MYO18A: variants seen among roughly 807,000 people sequenced by gnomAD.
The protein encoded by MYO18A is myosin XVIIIA.
A neutral mutation model predicts 235.8 loss-of-function variants in MYO18A; 78 were observed. The ratio of observed to expected loss-of-function variants is 0.33; its 90% CI spans 0.28 to 0.40. The LOEUF is 0.40. Ranked by LOEUF, MYO18A falls within the 10% of genes least tolerant of loss-of-function variation. The pLI is 1.00. For missense variants in MYO18A, 2,215 were observed against 2,699.3 expected (o/e 0.82, Z 3.98); for synonymous variants, 977 against 1,077.8 (o/e 0.91, Z 1.83).
chr17:29,128,424 C>T (rs1245916673), intron 2 of MYO18A: 20 of 1,289,268 alleles, frequency 1.6e-5, no homozygotes, highest in Non-Finnish European at 1.9e-5. Flanking sequence ...GCTCCCGGGC[C>T]GTTCATGGCG....
intron 15 of MYO18A, among the ~76,000 whole-genome samples, chr17:29,112,071 G>A (rs1023936593): frequency 3.9e-5 from 6 of 152,198 alleles, no homozygotes; most frequent in African/African-American, 1.2e-4. Context: ...GTGAGCAGAG[G>A]GAAGCCCACA....
Position 29,098,817 on chromosome 17 carries a change from G to A in MYO18A, c.3780+9C>T. On this transcript the variant is annotated intron_variant, in intron 23 of 41. Coordinates refer to ENST00000527372, the MANE Select transcript of MYO18A (RefSeq NM_078471.4). ...CCCAGAGACTTGGCCCTCTCAGGCT[G>A]TCACATACGTCTTTGTTCCGGATCT... 1 of 1,613,912 alleles carries A rather than the reference G, an allele frequency of 6.2e-7. No individual in the cohort carries two copies. Among genetic ancestry groups the A allele is most frequent in the Non-Finnish European group, 8.5e-7 (1 of 1,179,806 alleles).
chr17:29,113,728 G>C (rs1231187958), intron 15 of MYO18A, among the ~76,000 whole-genome samples: 1 of 152,212 alleles, frequency 6.6e-6, no homozygotes, highest in Non-Finnish European at 1.5e-5. Flanking sequence ...CAGCTGCTGA[G>C]AAAGGAGATA....
chr17:29,079,877 T>C (rs2066074177), intron 41 of MYO18A: 2 of 985,944 alleles, frequency 2.0e-6, no homozygotes, highest in Non-Finnish European at 2.4e-6. Flanking sequence ...CTGGAGCAGC[T>C]GTGGCTGGAG....
chr17:29,094,714 G>A lies in MYO18A; in HGVS notation c.4646C>T (p.Ala1549Val), dbSNP rs759387457. The A allele has an allele frequency of 5.6e-6, 9 of 1,613,878 alleles. No individual in the cohort carries two copies. The highest frequency in any genetic ancestry group is 1.1e-5 in the South Asian group (1 of 91,086). ...KVKKQLRDLE[A>V]KVKDQEEELD... ...CTCTTCTTCCTGATCCTTGACTTTGGCCTCCAGGTCCCGGAGCTGTTTCTT... is the reference window on the plus strand; with the variant it reads ...CTCTTCTTCCTGATCCTTGACTTTGACCTCCAGGTCCCGGAGCTGTTTCTT... The change falls in exon 30 of 42, where the codon GCC (alanine) becomes GTC (valine). Residue 1549 changes from alanine to valine, a missense_variant. Transcript: ENST00000527372.
At chr17:29,122,385 C>T in intron 2 of MYO18A, 132 bp from the exon 3 acceptor site, 1 of 777,734 alleles carries the variant, frequency 1.3e-6, no homozygotes, top group Non-Finnish European at 2.2e-6. Context: ...AGGTGACAGA[C>T]ACAGAACACA....
In MYO18A at chr17:29,073,968, T is replaced by G; in HGVS notation, c.*802A>C. ...TGCTGTAGTTGGAATGGGTTTACCT[T>G]AAATAGGTCATTGCACATAACACGC... On this transcript the variant is annotated 3_prime_UTR_variant, in exon 42 of 42. Transcript: ENST00000527372. 6.2e-7 allele frequency: 1 copy of G among 1,613,742 alleles called. No individual in the cohort carries two copies. Among genetic ancestry groups the G allele is most frequent in the Middle Eastern group, 1.7e-4 (1 of 6,060 alleles).
rs192873241 is a variant in MYO18A, at chr17:29,121,027, G to A, written c.1556C>T (p.Ala519Val). 5.6e-4 allele frequency: 902 copies of A among 1,612,328 alleles called. 8 individuals carry two copies. In the Admixed American group the frequency reaches 8.9e-3, roughly 16 times the overall value. ...QHLVQYLATI[A>V]GISGNKVFSV... ...AAACACCTTGTTCCCGCTGATGCCC[G>A]CGATGGTGGCCAGGTACTGCACCAG... Residue 519 changes from alanine (A) to valine (V), a missense_variant, in exon 6 of 42, where the codon GCG becomes GTG. Transcript: ENST00000527372. The surrounding 1 kb of genome is among the most constrained non-coding windows in gnomAD (Gnocchi z 4.2).
intron 17 of MYO18A, among the ~76,000 whole-genome samples, chr17:29,110,863 G>A (rs904687736): frequency 1.4e-4 from 21 of 152,234 alleles, no homozygotes; most frequent in African/African-American, 4.8e-4. Context: ...ATCGGACAGA[G>A]GGGATCAATC....
intron 28 of MYO18A, among the ~76,000 whole-genome samples, chr17:29,096,118 G>A (rs2152773121): frequency 6.6e-6 from 1 of 152,294 alleles, no homozygotes; most frequent in Non-Finnish European, 1.5e-5. Context: ...TGTGGGTGTG[G>A]GGATACCCCT....
chr17:29,124,822 T>G (rs2067283187), intron 2 of MYO18A: 1 of 630,990 alleles, frequency 1.6e-6, no homozygotes, highest in Non-Finnish European at 2.3e-6. Flanking sequence ...GGGGTGAAGG[T>G]GGGGGAGCTT....
chr17:29,132,532 C>T (rs1279281120), intron 2 of MYO18A, among the ~76,000 whole-genome samples: 4 of 152,196 alleles, frequency 2.6e-5, no homozygotes, highest in African/African-American at 9.7e-5. Context: ...GCAAGAAGTC[C>T]TTGATTCCTA....
At position 29,118,077 on chromosome 17, in the gene MYO18A, A is replaced by G. The variant is rs972096108; in HGVS notation, c.2006T>C (p.Ile669Thr). Residue 669 changes from isoleucine (I) to threonine (T), a missense_variant, in exon 10 of 42, where the codon ATC becomes ACC. Physicochemically the swap from Ile to Thr is moderately conservative, Grantham distance 89. Coordinates refer to ENST00000527372, the MANE Select transcript of MYO18A (RefSeq NM_078471.4). This position sits in a 1 kb window ranked among gnomAD's most constrained non-coding sequence, Gnocchi z 4.2. ...QKACWFILAA[I>T]YHLGAAGATK... is the part of the protein sequence containing the mutation. ...GGCTCCCGCAGCCCCCAGGTGGTAG[A>G]TGGCAGCCAGAATGAACCAGCAGGC... The G allele has an allele frequency of 6.3e-6, 10 of 1,590,502 alleles. No individual in the cohort carries two copies. Among genetic ancestry groups the G allele is most frequent in the Admixed American group, 1.8e-5 (1 of 56,786 alleles).
rs528592786 is a variant in MYO18A, at chr17:29,111,835, G to A, written c.2627C>T (p.Ala876Val). 36 of 1,613,654 alleles carry A rather than the reference G, an allele frequency of 2.2e-5. No homozygotes were observed. The highest frequency in any genetic ancestry group is 2.2e-5 in the Non-Finnish European group (26 of 1,179,690). The change falls in exon 16 of 42, where the codon GCG becomes GTG. Residue 876 changes from alanine to valine, a missense_variant. Ala to Val is a moderately conservative substitution (Grantham distance 64). Coordinates refer to ENST00000527372, the MANE Select transcript of MYO18A (RefSeq NM_078471.4). This position sits in a 1 kb window ranked among gnomAD's most constrained non-coding sequence, Gnocchi z 5.1. ...LVRSLARTDE[A>V]RGLLWLLEEE... ...TTCCAATAGCCAGAGCAGGCCCCTCGCCTCGTCTGTGCGGGCCAGCGAGCG... is the reference window on the plus strand; with the variant it reads ...TTCCAATAGCCAGAGCAGGCCCCTCACCTCGTCTGTGCGGGCCAGCGAGCG...
At chr17:29,138,655 A>G (rs1434324737) in intron 2 of MYO18A, among the ~76,000 whole-genome samples, 1 of 152,246 alleles carries the variant, frequency 6.6e-6, no homozygotes, top group East Asian at 1.9e-4. Context: ...ATCCCTCTGA[A>G]ATAGATACTA....
chr17:29,073,690 G>A lies in MYO18A; in HGVS notation c.*1080C>T, dbSNP rs2065913706. On this transcript the variant is annotated 3_prime_UTR_variant, in exon 42 of 42. Coordinates refer to ENST00000527372, the MANE Select transcript of MYO18A (RefSeq NM_078471.4). ...AGTTCTCAGGGATAACCTTTTTAGGGTGGGGGCTGGGACCTCCAGACCACA... is the reference window on the plus strand; with the variant it reads ...AGTTCTCAGGGATAACCTTTTTAGGATGGGGGCTGGGACCTCCAGACCACA... 1 of 750,694 alleles carries A rather than the reference G, an allele frequency of 1.3e-6. No homozygotes were observed. The highest frequency in any genetic ancestry group is 2.2e-6 in the Non-Finnish European group (1 of 462,980). The allele number at this position is 750,694 out of a possible 1,614,324, so 46.5% of individuals were successfully genotyped here.
At chr17:29,143,404 T>TTA (rs1309314445) in intron 2 of MYO18A, among the ~76,000 whole-genome samples, 3 of 143,008 alleles carry the variant, frequency 2.1e-5, no homozygotes, top group Non-Finnish European at 4.6e-5. Context: ...CCATGTAGGT[T>TTA]TTTTTTTTTT....
At chr17:29,146,232 C>T (rs552894513) in intron 2 of MYO18A, among the ~76,000 whole-genome samples, 14 of 151,378 alleles carry the variant, frequency 9.2e-5, no homozygotes, top group Admixed American at 4.6e-4. Flanking sequence ...CACTCCAGCC[C>T]GGGCGACAGA....
chr17:29,095,598 C>A (rs922603541), intron 28 of MYO18A, among the ~76,000 whole-genome samples: 4 of 152,246 alleles, frequency 2.6e-5, no homozygotes, highest in African/African-American at 9.6e-5. Context: ...AGCTGGCATT[C>A]CCACTGTGCC....
Sources: gnomAD v4.1 joint callset for allele counts (sites outside exome capture counted in the v4.1 genomes callset) on GRCh38, gnomAD v4.1.1 for gene constraint, Gnocchi (gnomAD v3.1) non-coding constraint, MANE v1.5 for transcripts, NCBI Gene and HGNC (gene_info 2026-07-23, HGNC 2026-07-21) for gene names.